ARHGAP6: variants seen among roughly 807,000 people sequenced by gnomAD.
ARHGAP6 encodes the protein rho GTPase-activating protein 6.
ARHGAP6 carries 16 observed loss-of-function variants against 55.7 expected under a neutral mutation model. The ratio of observed to expected loss-of-function variants is 0.29; its 90% CI spans 0.19 to 0.44. The LOEUF (loss-of-function observed/expected upper bound fraction) is 0.44. Among genes scored for constraint, ARHGAP6 ranks in the 20% least tolerant of loss-of-function variants. The pLI is 1.00. For missense variants in ARHGAP6, 698 were observed against 808.9 expected (o/e 0.86, Z 1.66); for synonymous variants, 382 against 360.9 (o/e 1.06, Z -0.66).
In ARHGAP6 at chrX:11,509,686, C is replaced by T. The variant is rs541073063; in HGVS notation, c.588+154555G>A. ...AATGTTCCATTCAGGAATTTGAAAT[C>T]GTAAGTCTAAAATCCAGAAGGTTAT... On this transcript the variant is annotated intron_variant, in intron 1 of 12. Coordinates refer to ENST00000337414, the MANE Select transcript of ARHGAP6 (RefSeq NM_013427.3). 1.8e-4 allele frequency among the ~76,000 whole-genome samples: 20 copies of T among 111,733 alleles called. No homozygotes were observed. In the South Asian group the frequency reaches 6.3e-3, roughly 35 times the overall value.
In ARHGAP6 at chrX:11,623,232, T is replaced by C. The variant is rs1446800975; in HGVS notation, c.588+41009A>G. 3.6e-5 allele frequency among the ~76,000 whole-genome samples: 4 copies of C among 111,500 alleles called. No homozygotes were observed. The East Asian group carries it at 8.4e-4, about 23-fold the overall frequency. The stretch of plus-strand genomic sequence containing the variant: ...TGTTAGAGTTGATAAACAGATTCAG[T>C]AAAGTTGTAGTATACAAAATCCACA... On this transcript the variant is annotated intron_variant, in intron 1 of 12. Coordinates refer to ENST00000337414, the MANE Select transcript of ARHGAP6 (RefSeq NM_013427.3).
chrX:11,152,963 G>T (rs1221731341), intron 10 of ARHGAP6, among the ~76,000 whole-genome samples: 4 of 111,850 alleles, frequency 3.6e-5, no homozygotes, highest in Non-Finnish European at 7.5e-5. Context: ...TGATTCCAAG[G>T]GGCTGGTGAG....
intron 1 of ARHGAP6, chrX:11,298,586 G>T (rs1015746284): frequency 4.6e-5 from 55 of 1,208,665 alleles, no homozygotes; most frequent in Non-Finnish European, 5.9e-5. Context: ...GTGGATGGCT[G>T]CACCACCAAA....
intron 1 of ARHGAP6, among the ~76,000 whole-genome samples, chrX:11,626,060 T>C (rs980900521): frequency 1.9e-4 from 21 of 111,946 alleles, no homozygotes; most frequent in African/African-American, 6.5e-4. Context: ...CAAAAGCTAG[T>C]TTTTTTACTG....
At chrX:11,160,406 G>A (rs983035786) in intron 9 of ARHGAP6, among the ~76,000 whole-genome samples, 3 of 106,821 alleles carry the variant, frequency 2.8e-5, no homozygotes, top group African/African-American at 6.9e-5. Context: ...GCAGTGAGCC[G>A]AGATCATGCC....
intron 1 of ARHGAP6, among the ~76,000 whole-genome samples, chrX:11,378,418 G>A (rs1417734909): frequency 8.9e-6 from 1 of 112,090 alleles, no homozygotes; most frequent in East Asian, 2.8e-4. Context: ...GTGTGATCAG[G>A]AGAGAAACAT....
At chrX:11,163,425 C>A (rs1327033040) in intron 9 of ARHGAP6, among the ~76,000 whole-genome samples, 1 of 111,523 alleles carries the variant, frequency 9.0e-6, no homozygotes, top group African/African-American at 3.3e-5. Context: ...CACAATAAAC[C>A]ATTAAGGGCT....
At chrX:11,517,182 T>C (rs1257811497) in intron 1 of ARHGAP6, among the ~76,000 whole-genome samples, 3 of 111,773 alleles carry the variant, frequency 2.7e-5, no homozygotes, top group Admixed American at 9.6e-5. Context: ...CCAAGACAAG[T>C]TGGTTAGCCC....
At chrX:11,461,969 G>C (rs1309334756) in intron 1 of ARHGAP6, among the ~76,000 whole-genome samples, 1 of 112,010 alleles carries the variant, frequency 8.9e-6, no homozygotes, top group Non-Finnish European at 1.9e-5. Context: ...AGGGACAATA[G>C]CATCTCTGGA....
At chrX:11,664,201 C>A in intron 1 of ARHGAP6, 40 bp downstream of exon 1, 2 of 1,144,486 alleles carry the variant, frequency 1.7e-6, no homozygotes, top group Non-Finnish European at 2.3e-6. Context: ...GCCTGGGGGC[C>A]TCCTCCTTGG....
chrX:11,386,505 G>A (rs2049329749), intron 1 of ARHGAP6, among the ~76,000 whole-genome samples: 2 of 111,489 alleles, frequency 1.8e-5, no homozygotes, highest in Admixed American at 1.9e-4. Flanking sequence ...AGATGCCTGA[G>A]GCCTAGGATG....
At chrX:11,575,782 C>T (rs1359134777) in intron 1 of ARHGAP6, among the ~76,000 whole-genome samples, 2 of 112,097 alleles carry the variant, frequency 1.8e-5, no homozygotes, top group African/African-American at 6.5e-5. Flanking sequence ...GTTGAAAAAG[C>T]TTACTCTACT....
chrX:11,139,677 T>A (rs1459812719), intron 12 of ARHGAP6, 147 bp from the exon 13 acceptor site: 16 of 583,631 alleles, frequency 2.7e-5, no homozygotes, highest in Non-Finnish European at 3.9e-5. Flanking sequence ...TAGCTGCTGC[T>A]ACCTGAAGAA....
intron 1 of ARHGAP6, among the ~76,000 whole-genome samples, chrX:11,278,628 C>T (rs773469590): frequency 6.3e-5 from 7 of 111,612 alleles, no homozygotes; most frequent in Non-Finnish European, 1.3e-4. Context: ...CAAAAGAAAT[C>T]AGAATATTTT....
At chrX:11,361,848 A>G (rs1173949262) in intron 1 of ARHGAP6, among the ~76,000 whole-genome samples, 2 of 112,411 alleles carry the variant, frequency 1.8e-5, no homozygotes, top group Non-Finnish European at 3.8e-5. Context: ...GGCGAAGGAT[A>G]TGAACAGACA....
intron 1 of ARHGAP6, among the ~76,000 whole-genome samples, chrX:11,406,198 C>T (rs1477534144): frequency 3.6e-5 from 4 of 110,554 alleles, no homozygotes; most frequent in South Asian, 3.9e-4. Flanking sequence ...CATGCCCAGC[C>T]GAGAATTGTA....
intron 1 of ARHGAP6, among the ~76,000 whole-genome samples, chrX:11,624,961 T>C (rs776828668): frequency 8.9e-6 from 1 of 111,951 alleles, no homozygotes; most frequent in African/African-American, 3.2e-5. Flanking sequence ...CAATATGATA[T>C]CGTATCAACC....
intron 1 of ARHGAP6, among the ~76,000 whole-genome samples, chrX:11,503,842 G>GCA (rs759110553): frequency 0.031 from 3,186 of 103,484 alleles, 52 homozygotes; most frequent in Middle Eastern, 0.088. Context: ...ATATCCATTT[G>GCA]CACACACACA....
chrX:11,273,351 T>C (rs1315837646), intron 1 of ARHGAP6, among the ~76,000 whole-genome samples: 1 of 109,915 alleles, frequency 9.1e-6, no homozygotes, highest in African/African-American at 3.3e-5. Context: ...TGCCACCAGT[T>C]AATATTAATA....
Sources: allele counts gnomAD v4.1 joint callset (sites outside exome capture counted in the v4.1 genomes callset), GRCh38; gene constraint gnomAD v4.1.1; transcripts MANE v1.5; gene names NCBI Gene and HGNC (gene_info 2026-07-23, HGNC 2026-07-21).